NIPBL: variants seen among roughly 807,000 people sequenced by gnomAD.
The protein encoded by NIPBL is nipped-B-like protein.
In NIPBL, 19 loss-of-function variants were observed where a neutral mutation model predicts 321.8. That is an observed-to-expected ratio of 0.06 (90% CI 0.04 to 0.09). The LOEUF is 0.09. Ranked by LOEUF, NIPBL falls within the 10% of genes least tolerant of loss-of-function variation. The pLI is 1.00. For missense variants in NIPBL, 2,210 were observed against 3,327.0 expected, an observed-to-expected ratio of 0.66 and a Z score of 8.26; for synonymous variants, 1,106 against 1,114.1, an observed-to-expected ratio of 0.99 and a Z score of 0.14.
In NIPBL at chr5:36,985,230, A is replaced by C; in HGVS notation, c.2050A>C (p.Asn684His). Residue 684 changes from asparagine (N) to histidine (H), a missense_variant, in exon 10 of 47, where the codon AAT becomes CAT. Transcript: ENST00000282516. ...AAATAGACTGTCTGACACAAAACCA[A>C]ATGACAACAAACAAAATAATGGCAG... ...NENRLSDTKP[N>H]DNKQNNGRSE... The C allele has an allele frequency of 6.2e-7, 1 of 1,613,826 alleles. No homozygotes were observed. Among genetic ancestry groups the C allele is most frequent in the Non-Finnish European group, 8.5e-7 (1 of 1,179,946 alleles).
chr5:36,921,260 GACT>G (rs1260794120), intron 1 of NIPBL, among the ~76,000 whole-genome samples: 2 of 151,746 alleles, frequency 1.3e-5, no homozygotes, highest in Non-Finnish European at 2.9e-5. Flanking sequence ...ATTCTGGTTT[GACT>G]ACTATTTTGA....
intron 1 of NIPBL, among the ~76,000 whole-genome samples, chr5:36,937,400 G>A (rs988837732): frequency 2.0e-5 from 3 of 152,108 alleles, no homozygotes; most frequent in Admixed American, 1.3e-4. Flanking sequence ...ACTGACTAAA[G>A]GTTGGCATTC....
intron 38 of NIPBL, 43 bp from the exon 39 acceptor site, chr5:37,048,459 T>C (rs546330538): frequency 2.5e-6 from 3 of 1,211,632 alleles, no homozygotes; most frequent in African/African-American, 1.6e-5. Context: ...TTTTATTTAA[T>C]TTTAATATGA....
In NIPBL at chr5:37,016,245, G is replaced by T; in HGVS notation, c.4776+75G>T. On this transcript the variant is annotated intron_variant, in intron 23 of 46. Coordinates refer to ENST00000282516, the MANE Select transcript of NIPBL (RefSeq NM_133433.4). ...TGAGGATGTACTCTGATTCACAGATGATGAATTCTTTAAAAATGTGTAAGG... is the reference window on the plus strand; with the variant it reads ...TGAGGATGTACTCTGATTCACAGATTATGAATTCTTTAAAAATGTGTAAGG... 9 of 1,426,264 alleles carry T rather than the reference G, an allele frequency of 6.3e-6. No individual in the cohort carries two copies. The South Asian group carries it at 9.4e-5, about 15-fold the overall frequency. 88.4% of individuals were successfully genotyped at this position (1,426,264 alleles called of 1,614,324 possible). A position where few individuals can be genotyped will look rare whatever the true frequency, so the allele number is the denominator to read the frequency against.
At chr5:36,973,221 T>C (rs1743065009) in intron 8 of NIPBL, among the ~76,000 whole-genome samples, 1 of 152,154 alleles carries the variant, frequency 6.6e-6, no homozygotes, top group African/African-American at 2.4e-5. Flanking sequence ...TTTCTAATTA[T>C]AGCCATCTGA....
At chr5:36,982,223 G>A (rs1353689661) in intron 9 of NIPBL, 2 of 980,940 alleles carry the variant, frequency 2.0e-6, no homozygotes, top group African/African-American at 3.5e-5. Flanking sequence ...GGGCTTACAG[G>A]TAATCACTGT....
intron 27 of NIPBL, 27 bp from the exon 28 acceptor site, chr5:37,022,024 A>G (rs1480648291): frequency 1.3e-6 from 2 of 1,577,574 alleles, no homozygotes; most frequent in South Asian, 2.2e-5. Context: ...TCTAAAATTT[A>G]CAAAAATGTC....
chr5:36,901,269 CAT>C (rs1187038737), intron 1 of NIPBL, among the ~76,000 whole-genome samples: 1 of 152,138 alleles, frequency 6.6e-6, no homozygotes, highest in African/African-American at 2.4e-5. Context: ...CTGCAAAGGA[CAT>C]GATTTCATCC....
At chr5:36,905,330 TC>T (rs1323353259) in intron 1 of NIPBL, among the ~76,000 whole-genome samples, 1 of 152,218 alleles carries the variant, frequency 6.6e-6, no homozygotes, top group Non-Finnish European at 1.5e-5. Flanking sequence ...AGGAGTTTTT[TC>T]CTGTTTGAGT....
intron 30 of NIPBL, 37 bp downstream of exon 30, chr5:37,024,756 G>A (rs761044079): frequency 3.9e-6 from 6 of 1,532,196 alleles, no homozygotes; most frequent in South Asian, 1.2e-5. Context: ...TTTCATTAAT[G>A]TTTAAAATAA....
intron 1 of NIPBL, among the ~76,000 whole-genome samples, chr5:36,948,066 T>C (rs1012608916): frequency 2.6e-5 from 4 of 151,924 alleles, no homozygotes; most frequent in African/African-American, 9.7e-5. Context: ...CACTGTAAAG[T>C]TGGTTCAGGC....
At chr5:37,046,023 T>G in intron 37 of NIPBL, 86 bp from the exon 38 acceptor site, 1 of 736,624 alleles carries the variant, frequency 1.4e-6, no homozygotes, top group Non-Finnish European at 2.4e-6. Flanking sequence ...AAATTCTCAT[T>G]GTTTTAAGGT....
intron 1 of NIPBL, among the ~76,000 whole-genome samples, chr5:36,908,641 TA>T (rs372159856): frequency 6.6e-6 from 1 of 151,124 alleles, no homozygotes; most frequent in Admixed American, 6.6e-5. Flanking sequence ...CTTTAGGCAT[TA>T]AAAAAAAATC....
At chr5:36,922,196 G>A (rs538441600) in intron 1 of NIPBL, among the ~76,000 whole-genome samples, 7 of 151,876 alleles carry the variant, frequency 4.6e-5, no homozygotes, top group Admixed American at 1.3e-4. Flanking sequence ...CCCCTTCAAT[G>A]TTTTTCTTAA....
At chr5:37,019,272 A>G (rs376759059) in intron 24 of NIPBL, 39 bp from the exon 25 acceptor site, 43 of 1,258,640 alleles carry the variant, frequency 3.4e-5, no homozygotes, top group Non-Finnish European at 4.6e-5. Context: ...AAAGCACACC[A>G]GTAATATCTT....
At chr5:36,937,999 A>G (rs1399073706) in intron 1 of NIPBL, among the ~76,000 whole-genome samples, 2 of 152,182 alleles carry the variant, frequency 1.3e-5, no homozygotes, top group Non-Finnish European at 2.9e-5. Flanking sequence ...GATTGCATTA[A>G]TAGCACCGGT....
intron 1 of NIPBL, among the ~76,000 whole-genome samples, chr5:36,890,722 G>A (rs1746260293): frequency 6.6e-6 from 1 of 152,156 alleles, no homozygotes. Flanking sequence ...GAGATTTCAT[G>A]GACTAGTCAG....
intron 18 of NIPBL, among the ~76,000 whole-genome samples, 170 bp downstream of exon 18, chr5:37,007,644 A>G (rs986863865): frequency 6.6e-6 from 1 of 152,006 alleles, no homozygotes; most frequent in African/African-American, 2.4e-5. Flanking sequence ...TTAAAAAGAC[A>G]TTTTATCAGG....
chr5:37,018,312 A>C (rs1169261837), intron 24 of NIPBL, among the ~76,000 whole-genome samples: 1 of 152,210 alleles, frequency 6.6e-6, no homozygotes, highest in Non-Finnish European at 1.5e-5. Flanking sequence ...CAATATTAAC[A>C]TCTGATGTAA....
Sources: gnomAD v4.1 joint callset for allele counts (sites outside exome capture counted in the v4.1 genomes callset) on GRCh38, gnomAD v4.1.1 for gene constraint, MANE v1.5 for transcripts, NCBI Gene and HGNC (gene_info 2026-07-23, HGNC 2026-07-21) for gene names.